Variants in SLC9C1 observed in about 807,000 individuals in gnomAD.
The protein encoded by SLC9C1 is solute carrier family 9 member C1.
SLC9C1 carries 97 observed loss-of-function variants against 140.9 expected under a neutral mutation model. The ratio of observed to expected loss-of-function variants is 0.69; its 90% confidence interval spans 0.58 to 0.82. SLC9C1 has a LOEUF of 0.82. SLC9C1 is among the 40% of genes least tolerant of loss of function. The pLI, the probability that SLC9C1 is intolerant of heterozygous loss-of-function variation, is 0.00. For synonymous variants in SLC9C1, 440 were observed against 442.6 expected (o/e 0.99, Z 0.07); for missense variants, 1,340 against 1,389.3 (o/e 0.96, Z 0.56).
intron 22 of SLC9C1, among the ~76,000 whole-genome samples, chr3:112,180,153 T>C (rs773927955): frequency 2.1e-4 from 32 of 152,246 alleles, no homozygotes; most frequent in Non-Finnish European, 3.8e-4. Flanking sequence ...TATGCAGTTC[T>C]TAACATGGAA....
At chr3:112,183,257 T>TA (rs1163740992) in intron 20 of SLC9C1, among the ~76,000 whole-genome samples, 2 of 151,486 alleles carry the variant, frequency 1.3e-5, no homozygotes, top group Admixed American at 6.6e-5. Flanking sequence ...ATTGTCAATT[T>TA]AAAAAAAATG....
At chr3:112,286,982 C>T in intron 1 of SLC9C1, 104 bp from the exon 2 acceptor site, 1 of 459,136 alleles carries the variant, frequency 2.2e-6, no homozygotes, top group Non-Finnish European at 3.8e-6. Context: ...TTCTCGTGGT[C>T]TGCCAAATTT....
intron 10 of SLC9C1, among the ~76,000 whole-genome samples, chr3:112,247,996 G>C (rs977205758): frequency 2.0e-5 from 3 of 152,060 alleles, no homozygotes; most frequent in African/African-American, 7.2e-5. Context: ...ATATGAAGAA[G>C]TAATGGGAAG....
In SLC9C1 at chr3:112,186,535, T is replaced by C. The variant is rs530703420; in HGVS notation, c.2524-4277A>G. On this transcript the variant is annotated intron_variant, in intron 20 of 28. Transcript: ENST00000305815. ...CACAAAGTTATCAATTCTCCCTAGA[T>C]TGATATACAAGATTAATGGAATCTC... 6.6e-5 allele frequency among the ~76,000 whole-genome samples: 10 copies of C among 152,362 alleles called. No homozygotes were observed. The South Asian group carries it at 2.1e-3, about 32-fold the overall frequency.
intron 6 of SLC9C1, among the ~76,000 whole-genome samples, chr3:112,273,383 G>A (rs1327911806): frequency 3.9e-5 from 6 of 152,122 alleles, no homozygotes; most frequent in African/African-American, 1.4e-4. Context: ...GTACCTTTCT[G>A]TGCTAAACTG....
At chr3:112,287,759 A>C (rs1036298913) in intron 1 of SLC9C1, among the ~76,000 whole-genome samples, 28 of 152,168 alleles carry the variant, frequency 1.8e-4, no homozygotes, top group Admixed American at 7.2e-4. Flanking sequence ...AAGAAATTAT[A>C]ATTCCTGGCC....
chr3:112,140,914 A>G lies in SLC9C1; in HGVS notation c.*358T>C, dbSNP rs1359928440. The G allele has an allele frequency of 1.7e-5, 3 of 177,494 alleles. No homozygotes were observed. The highest frequency in any genetic ancestry group is 7.1e-5 in the African/African-American group (3 of 42,480). 11.0% of individuals were successfully genotyped at this position (177,494 alleles called of 1,614,324 possible). On this transcript the variant is annotated 3_prime_UTR_variant, in exon 29 of 29. Coordinates refer to ENST00000305815, the MANE Select transcript of SLC9C1 (RefSeq NM_183061.3). ...AGAACAGCATTTAAACTATATTTTA[A>G]TACATTTTATTTTTCATAAAGTGAA...
At chr3:112,161,355 T>C (rs946401209) in intron 26 of SLC9C1, among the ~76,000 whole-genome samples, 1 of 152,232 alleles carries the variant, frequency 6.6e-6, no homozygotes, top group African/African-American at 2.4e-5. Context: ...CATGCCTATG[T>C]CCTGAATGGT....
chr3:112,245,094 C>T (rs2079243629), intron 10 of SLC9C1, among the ~76,000 whole-genome samples: 2 of 152,174 alleles, frequency 1.3e-5, no homozygotes, highest in African/African-American at 4.8e-5. Context: ...AAGTCATTCA[C>T]CAATGAGAGG....
chr3:112,190,960 CACACATAT>C (rs1405654978), intron 20 of SLC9C1, among the ~76,000 whole-genome samples: 56 of 147,726 alleles, frequency 3.8e-4, no homozygotes, highest in African/African-American at 1.3e-3. Flanking sequence ...CACACACACA[CACACATAT>C]ATATATATGG....
In SLC9C1 at chr3:112,286,710, TG is replaced by T. The variant is rs1227897082; in HGVS notation, c.81del (p.Ile28LeufsTer5). 2 of 1,611,408 alleles carry T rather than the reference TG, an allele frequency of 1.2e-6. No homozygotes were observed. Among genetic ancestry groups the T allele is most frequent in the African/African-American group, 2.7e-5 (2 of 74,794 alleles). The stretch of plus-strand genomic sequence containing the variant: ...AAGAGAGAGTGATACTTACCTCCAA[TG>T]GAGCTGATCAAAGACAATGTTAGAA... ...EVILTLSLIS[S>X]IGAFLNRHLE... On this transcript the variant is annotated frameshift_variant, in exon 2 of 29. Transcript: ENST00000305815. LOFTEE classifies it high-confidence loss of function.
At chr3:112,207,373 T>C (rs1359828898) in intron 16 of SLC9C1, among the ~76,000 whole-genome samples, 1 of 152,210 alleles carries the variant, frequency 6.6e-6, no homozygotes, top group African/African-American at 2.4e-5. Flanking sequence ...ACCTATATGA[T>C]CTACGGCTCT....
chr3:112,247,039 G>C (rs1335549393), intron 10 of SLC9C1, among the ~76,000 whole-genome samples: 1 of 152,108 alleles, frequency 6.6e-6, no homozygotes, highest in East Asian at 1.9e-4. Context: ...AAAACATCCT[G>C]TTAGATTGGG....
At chr3:112,200,185 A>G (rs781355647) in intron 19 of SLC9C1, among the ~76,000 whole-genome samples, 1 of 152,056 alleles carries the variant, frequency 6.6e-6, no homozygotes, top group African/African-American at 2.4e-5. Context: ...TGCCACTCTT[A>G]AGATTTGTCC....
At chr3:112,142,166 G>A (rs2074647702) in intron 28 of SLC9C1, among the ~76,000 whole-genome samples, 1 of 152,090 alleles carries the variant, frequency 6.6e-6, no homozygotes, top group Non-Finnish European at 1.5e-5. Flanking sequence ...TCTTCTACCA[G>A]CAAAATATGA....
intron 18 of SLC9C1, 82 bp from the exon 19 acceptor site, chr3:112,200,844 T>C (rs1257978678): frequency 1.7e-6 from 2 of 1,206,550 alleles, no homozygotes; most frequent in African/African-American, 3.1e-5. Context: ...GATGGATTTT[T>C]AACCTAAGTT....
Position 112,182,153 on chromosome 3 carries a change from C to A in SLC9C1, c.2629G>T (p.Asp877Tyr). 2 of 1,565,350 alleles carry A rather than the reference C, an allele frequency of 1.3e-6. No homozygotes were observed. The highest frequency in any genetic ancestry group is 1.8e-5 in the Admixed American group (1 of 54,632). ...GTTACCTGAATGAAGTTTATATAAT[C>A]TTTGTTTTTATCTAGCCACGGAATA... ...YHIPWLDKNK[D>Y]YINFIQEKAK... The change falls in exon 21 of 29, where the codon GAT (aspartate) becomes TAT (tyrosine). Residue 877 changes from aspartate to tyrosine, a missense_variant. Coordinates refer to ENST00000305815, the MANE Select transcript of SLC9C1 (RefSeq NM_183061.3).
chr3:112,180,797 G>T (rs555553534), intron 21 of SLC9C1, 135 bp from the exon 22 acceptor site: 86 of 667,598 alleles, frequency 1.3e-4, no homozygotes, highest in Non-Finnish European at 2.0e-4. Flanking sequence ...GTGCAGTGGT[G>T]CAATCTTGGC....
At chr3:112,271,015 T>C (rs1365164276) in intron 6 of SLC9C1, among the ~76,000 whole-genome samples, 1 of 152,136 alleles carries the variant, frequency 6.6e-6, no homozygotes, top group Non-Finnish European at 1.5e-5. Context: ...TCTTGTTATT[T>C]ACAACAAGAT....
Sources: gnomAD v4.1 joint callset for allele counts (sites outside exome capture counted in the v4.1 genomes callset) on GRCh38, gnomAD v4.1.1 for gene constraint, MANE v1.5 for transcripts, NCBI Gene and HGNC (gene_info 2026-07-23, HGNC 2026-07-21) for gene names.